Variants in FAF1 observed in about 807,000 individuals in gnomAD.
FAF1 encodes the protein FAS-associated factor 1.
A neutral mutation model predicts 92.5 loss-of-function variants in FAF1; 25 were observed. The observed-to-expected ratio is 0.27, with a 90% CI of 0.20 to 0.38. FAF1 has a LOEUF of 0.38. Ranked by LOEUF, FAF1 falls within the 10% of genes least tolerant of loss-of-function variation. The probability of loss-of-function intolerance (pLI) is 1.00; values close to 1 mark genes in which losing one functional copy is unlikely to be tolerated. For synonymous variants in FAF1, 234 were observed against 273.2 expected (o/e 0.86, Z 1.42); for missense variants, 636 against 793.3 (o/e 0.80, Z 2.38).
At chr1:50,516,169 T>C (rs1184112197) in intron 15 of FAF1, among the ~76,000 whole-genome samples, 2 of 152,148 alleles carry the variant, frequency 1.3e-5, no homozygotes, top group Admixed American at 6.5e-5. Context: ...TCAGGCAATA[T>C]AGCACTGCAA....
chr1:50,692,287 G>GTGTA, intron 7 of FAF1, among the ~76,000 whole-genome samples: 1 of 146,570 alleles, frequency 6.8e-6, no homozygotes, highest in East Asian at 2.0e-4. Context: ...GTGTGTGTGT[G>GTGTA]TGTGTGGTGG....
chr1:50,679,717 T>C (rs549847413), intron 7 of FAF1, among the ~76,000 whole-genome samples: 1 of 152,202 alleles, frequency 6.6e-6, no homozygotes, highest in Non-Finnish European at 1.5e-5. Context: ...GTAAAGCACA[T>C]AGTAGTAAAT....
chr1:50,766,768 A>G (rs1660586349), intron 4 of FAF1, among the ~76,000 whole-genome samples: 1 of 150,876 alleles, frequency 6.6e-6, no homozygotes, highest in Non-Finnish European at 1.5e-5. Context: ...AAGAAGATAA[A>G]AACAAACAAA....
chr1:50,638,114 C>T (rs1264338349), intron 8 of FAF1, among the ~76,000 whole-genome samples: 1 of 152,002 alleles, frequency 6.6e-6, no homozygotes, highest in Non-Finnish European at 1.5e-5. Context: ...ATGTTGTTTG[C>T]TATTATATTG....
chr1:50,501,554 G>A (rs904008420), intron 15 of FAF1, among the ~76,000 whole-genome samples: 3 of 151,920 alleles, frequency 2.0e-5, no homozygotes, highest in Non-Finnish European at 2.9e-5. Flanking sequence ...CCAGCTACTC[G>A]GGAGGCTGAG....
intron 2 of FAF1, among the ~76,000 whole-genome samples, chr1:50,851,081 ATTT>A (rs57980948): frequency 4.4e-5 from 6 of 135,426 alleles, no homozygotes; most frequent in East Asian, 2.1e-4. Context: ...AGCAATTTAC[ATTT>A]TTTTTTTTTT....
chr1:50,714,988 A>G (rs17384533), intron 6 of FAF1: 51,042 of 431,638 alleles, frequency 0.12, 3,685 homozygotes, highest in Non-Finnish European at 0.15. Context: ...TGTAACAGAT[A>G]TAAAGTAAAA....
chr1:50,925,385 G>C (rs921176479), intron 1 of FAF1, among the ~76,000 whole-genome samples: 2 of 151,884 alleles, frequency 1.3e-5, no homozygotes, highest in African/African-American at 4.8e-5. Context: ...ATAACCTGTA[G>C]ATAGGAAAAT....
intron 1 of FAF1, among the ~76,000 whole-genome samples, chr1:50,946,060 G>T (rs1351197430): frequency 6.6e-6 from 1 of 152,212 alleles, no homozygotes; most frequent in Admixed American, 6.5e-5. Context: ...GGGAACTAAA[G>T]TTTCCTCCAG....
At chr1:50,457,395 C>G (rs1316529187) in intron 18 of FAF1, among the ~76,000 whole-genome samples, 1 of 152,138 alleles carries the variant, frequency 6.6e-6, no homozygotes, top group African/African-American at 2.4e-5. Flanking sequence ...TTGAAAATTA[C>G]AAGGAGTGTC....
intron 8 of FAF1, among the ~76,000 whole-genome samples, chr1:50,599,136 G>A (rs1013937649): frequency 6.6e-6 from 1 of 152,002 alleles, no homozygotes; most frequent in Non-Finnish European, 1.5e-5. Context: ...TTCTTGAGAG[G>A]GAACCTCGCT....
rs140559835 is a variant in FAF1 at position 50,568,668 on chromosome 1, G to A, written c.1114-1437C>T. Among the ~76,000 whole-genome samples the A allele has an allele frequency of 5.6e-3, 845 of 152,216 alleles. 18 individuals are homozygous for A. The South Asian group carries it at 0.08, about 14-fold the overall frequency. ...ATGAGGAAACTGAGGTTTAGAAAGCGGACTTGTCCCAAATGTCACAGATAG... is the reference window on the plus strand; with the variant it reads ...ATGAGGAAACTGAGGTTTAGAAAGCAGACTTGTCCCAAATGTCACAGATAG... On this transcript the variant is annotated intron_variant, in intron 12 of 18. Coordinates refer to ENST00000396153, the MANE Select transcript of FAF1 (RefSeq NM_007051.3).
intron 6 of FAF1, among the ~76,000 whole-genome samples, chr1:50,724,304 C>CACACACACACAT (rs1658551706): frequency 1.4e-5 from 2 of 138,440 alleles, no homozygotes; most frequent in African/African-American, 5.5e-5. Context: ...CATACACACA[C>CACACACACACAT]ACACACACAC....
chr1:50,537,038 C>T (rs1648519215), intron 14 of FAF1, among the ~76,000 whole-genome samples: 1 of 152,086 alleles, frequency 6.6e-6, no homozygotes, highest in Non-Finnish European at 1.5e-5. Flanking sequence ...AGTGATCCTC[C>T]CACCTCAGCC....
intron 7 of FAF1, among the ~76,000 whole-genome samples, chr1:50,657,402 T>C (rs986489191): frequency 1.3e-5 from 2 of 151,546 alleles, no homozygotes; most frequent in African/African-American, 2.4e-5. Flanking sequence ...ATATGTTCTA[T>C]GTTAAGACTT....
At chr1:50,509,946 T>C (rs950674550) in intron 15 of FAF1, among the ~76,000 whole-genome samples, 1 of 152,022 alleles carries the variant, frequency 6.6e-6, no homozygotes, top group Non-Finnish European at 1.5e-5. Context: ...GTTGGGCGGA[T>C]TGCCTGAGCT....
intron 1 of FAF1, among the ~76,000 whole-genome samples, chr1:50,932,249 A>G (rs1317276751): frequency 6.6e-6 from 1 of 152,130 alleles, no homozygotes; most frequent in East Asian, 1.9e-4. Context: ...ATTAACCCAA[A>G]AGTCCACAGT....
At chr1:50,641,139 T>A (rs762424443) in intron 8 of FAF1, among the ~76,000 whole-genome samples, 6 of 152,112 alleles carry the variant, frequency 3.9e-5, no homozygotes, top group Non-Finnish European at 7.4e-5. Flanking sequence ...GCCTAATTGA[T>A]CTTTTCAAAG....
At chr1:50,490,459 GGAAA>G (rs1388123827) in intron 17 of FAF1, 125 bp downstream of exon 17, 3,045 of 202,046 alleles carry the variant, frequency 0.015, 99 homozygotes, top group Non-Finnish European at 0.016. Context: ...AAGGAAGGAA[GGAAA>G]AAGAAAGAAG....
Sources: gnomAD v4.1 joint callset for allele counts (sites outside exome capture counted in the v4.1 genomes callset) on GRCh38, gnomAD v4.1.1 for gene constraint, MANE v1.5 for transcripts, NCBI Gene and HGNC (gene_info 2026-07-23, HGNC 2026-07-21) for gene names.